Variants in FUBP3 observed in about 807,000 individuals in gnomAD.
FUBP3 encodes far upstream element binding protein 3.
Under a neutral mutation model 85.6 loss-of-function variants are expected in FUBP3, and 28 were observed. The ratio of observed to expected loss-of-function variants is 0.33; its 90% CI spans 0.24 to 0.45. The LOEUF is 0.45. Among genes scored for constraint, FUBP3 ranks in the 20% least tolerant of loss-of-function variants. FUBP3 has a pLI of 1.00. For missense variants in FUBP3, 583 were observed against 755.1 expected (o/e 0.77, Z 2.67); for synonymous variants, 271 against 271.4 (o/e 1.00, Z 0.01).
intron 1 of FUBP3, among the ~76,000 whole-genome samples, chr9:130,583,194 A>T (rs1830206178): frequency 6.6e-6 from 1 of 152,150 alleles, no homozygotes; most frequent in South Asian, 2.1e-4. Context: ...TTTTGGGGAA[A>T]TGTTGATTGG....
chr9:130,606,745 A>G (rs867915915), intron 2 of FUBP3, among the ~76,000 whole-genome samples: 7 of 151,966 alleles, frequency 4.6e-5, no homozygotes, highest in African/African-American at 9.7e-5. Context: ...GCTTGAACCC[A>G]GGAGGCAGAG....
At chr9:130,620,936 C>G (rs1030077196) in intron 9 of FUBP3, among the ~76,000 whole-genome samples, 5 of 152,134 alleles carry the variant, frequency 3.3e-5, no homozygotes, top group African/African-American at 9.7e-5. Flanking sequence ...TCTGAGGCAC[C>G]TAGAAGAGGC....
intron 1 of FUBP3, among the ~76,000 whole-genome samples, chr9:130,589,528 G>A (rs1390699890): frequency 3.3e-5 from 5 of 150,658 alleles, no homozygotes; most frequent in Admixed American, 6.6e-5. Flanking sequence ...ATTTTTAGTA[G>A]AGACGGGGTT....
chr9:130,626,281 CA>C, intron 11 of FUBP3, 82 bp from the exon 12 acceptor site: 1 of 1,431,334 alleles, frequency 7.0e-7, no homozygotes, highest in Non-Finnish European at 9.5e-7. Context: ...TACATCCTGT[CA>C]CTTAACCTCC....
At chr9:130,595,946 C>T (rs1830847870) in intron 2 of FUBP3, among the ~76,000 whole-genome samples, 2 of 152,214 alleles carry the variant, frequency 1.3e-5, no homozygotes, top group Admixed American at 1.3e-4. Context: ...CGATTTGGTG[C>T]ATGGCTCTAG....
At chr9:130,619,302 CAT>C (rs1832175190) in intron 8 of FUBP3, among the ~76,000 whole-genome samples, 6 of 134,808 alleles carry the variant, frequency 4.5e-5, no homozygotes, top group African/African-American at 9.3e-5. Flanking sequence ...CTGTATATTT[CAT>C]TTTTTTTTTT....
At position 130,612,678 on chromosome 9, in the gene FUBP3, C is replaced by T. The variant is rs1257142354; in HGVS notation, c.274+173C>T. 6.6e-6 allele frequency among the ~76,000 whole-genome samples: 1 copy of T among 152,162 alleles called. No individual in the cohort carries two copies. The highest frequency in any genetic ancestry group is 2.4e-5 in the African/African-American group (1 of 41,432). ...CCCACAGCTCTGAAATGCTGCAGGTCTCTTCAGGCTGAGGGAGAAACCAGA... is the reference window on the plus strand; with the variant it reads ...CCCACAGCTCTGAAATGCTGCAGGTTTCTTCAGGCTGAGGGAGAAACCAGA... On this transcript the variant is annotated intron_variant, in intron 4 of 18. Coordinates refer to ENST00000319725, the MANE Select transcript of FUBP3 (RefSeq NM_003934.2). This position sits in a 1 kb window ranked among gnomAD's most constrained non-coding sequence, Gnocchi z 4.1.
chr9:130,617,051 C>T (rs764856319), intron 7 of FUBP3, among the ~76,000 whole-genome samples: 1 of 152,166 alleles, frequency 6.6e-6, no homozygotes, highest in Non-Finnish European at 1.5e-5. Flanking sequence ...GCTGTTAGTG[C>T]CAGAATCCCT....
chr9:130,601,317 GGACA>G (rs1831140666), intron 2 of FUBP3, among the ~76,000 whole-genome samples: 1 of 152,178 alleles, frequency 6.6e-6, no homozygotes, highest in Admixed American at 6.5e-5. Flanking sequence ...CAGAGCTGAT[GGACA>G]GACAGAGAAG....
chr9:130,579,661 CGACGGCGGCGGGGGCGGT>C lies in FUBP3; in HGVS notation c.-19_-2del, dbSNP rs1188186786. The C allele has an allele frequency of 8.3e-7, 1 of 1,203,610 alleles. No homozygotes were observed. Among genetic ancestry groups the C allele is most frequent in the African/African-American group, 1.6e-5 (1 of 63,930 alleles). 74.6% of individuals were successfully genotyped at this position (1,203,610 alleles called of 1,614,324 possible). ...GCGTCGGCGGCGTCGGCGGCGGCGG[CGACGGCGGCGGGGGCGGT>C]AATGGCGGAGCTGGTGCAGGGGCAG... On this transcript the variant is annotated 5_prime_UTR_variant, in exon 1 of 19. Coordinates refer to ENST00000319725, the MANE Select transcript of FUBP3 (RefSeq NM_003934.2).
intron 2 of FUBP3, among the ~76,000 whole-genome samples, chr9:130,608,037 A>G (rs1831548018): frequency 1.3e-5 from 2 of 152,362 alleles, no homozygotes; most frequent in South Asian, 2.1e-4. Flanking sequence ...GATGAGCACA[A>G]AATTTCAAAT....
At chr9:130,587,973 A>G (rs1830425920) in intron 1 of FUBP3, among the ~76,000 whole-genome samples, 1 of 152,232 alleles carries the variant, frequency 6.6e-6, no homozygotes, top group Non-Finnish European at 1.5e-5. Flanking sequence ...GAAGAGCTGC[A>G]TCTTATTCAA....
intron 16 of FUBP3, among the ~76,000 whole-genome samples, 185 bp downstream of exon 16, chr9:130,632,463 C>T (rs575957300): frequency 4.2e-4 from 64 of 152,334 alleles, no homozygotes; most frequent in African/African-American, 1.5e-3. Flanking sequence ...TGTGCATGCT[C>T]AGAAAAAGGC....
intron 2 of FUBP3, among the ~76,000 whole-genome samples, chr9:130,598,041 CAAGT>C (rs1326562824): frequency 6.6e-6 from 1 of 152,140 alleles, no homozygotes; most frequent in Non-Finnish European, 1.5e-5. Flanking sequence ...GTTATCAAAA[CAAGT>C]AAGTGAAAAT....
intron 5 of FUBP3, among the ~76,000 whole-genome samples, chr9:130,613,882 G>A (rs935107936): frequency 5.9e-5 from 9 of 152,214 alleles, no homozygotes; most frequent in Non-Finnish European, 1.2e-4. Context: ...CCTGATGTGC[G>A]TGTCATGAAG....
chr9:130,613,145 C>T (rs1831835220), intron 5 of FUBP3, 118 bp downstream of exon 5: 2 of 663,144 alleles, frequency 3.0e-6, no homozygotes, highest in Non-Finnish European at 5.3e-6. Flanking sequence ...GTTTTCCTTG[C>T]ACTTTGGGAG....
At chr9:130,622,842 TAAAAA>T in intron 10 of FUBP3, 32 bp downstream of exon 10, 4 of 826,506 alleles carry the variant, frequency 4.8e-6, no homozygotes, top group East Asian at 2.8e-5. Context: ...TCCTTAGTGT[TAAAAA>T]AAAAAAAAAA....
Position 130,623,651 on chromosome 9 carries a change from C to T in FUBP3, c.915C>T (p.Gly305=). The T allele has an allele frequency of 1.2e-6, 2 of 1,613,874 alleles. No individual in the cohort carries two copies. Among genetic ancestry groups the T allele is most frequent in the African/African-American group, 1.3e-5 (1 of 75,014 alleles). Residue 305 remains glycine (G), a synonymous_variant, in exon 11 of 19, where the codon GGC becomes GGT. Coordinates refer to ENST00000319725, the MANE Select transcript of FUBP3 (RefSeq NM_003934.2). ...CAGAAAGAGCTGCCCAGGTCATGGG[C>T]CCTCCGGATCGGTGTCAGCATGCAG... The part of the protein sequence containing the change: ...ISPERAAQVM[G]PPDRCQHAAH...
Position 130,620,447 on chromosome 9 carries a change from G to A in FUBP3, c.760G>A (p.Gly254Ser), listed in dbSNP as rs894138399. The A allele has an allele frequency of 1.3e-5, 20 of 1,575,916 alleles. No homozygotes were observed. The highest frequency in any genetic ancestry group is 9.5e-5 in the African/African-American group (7 of 74,006). The change falls in exon 9 of 19, where the codon GGC becomes AGC. Residue 254 changes from glycine (G) to serine (S), a missense_variant. Gly to Ser is a moderately conservative substitution (Grantham distance 56, BLOSUM62 0). This residue lies in a region of FUBP3 where 404 missense variants were observed against 516.8 expected (regional missense o/e 0.78). Transcript: ENST00000319725. Reference protein sequence around the residue: ...RGDFNSRMGGGSIEVSVPRFA... With the variant: ...RGDFNSRMGGSSIEVSVPRFA... The stretch of plus-strand genomic sequence containing the variant: ...CGATTTCAACTCTCGAATGGGAGGA[G>A]GCAGTATAGAGGTATGCTTAAATTA...
Sources: gnomAD v4.1 joint callset for allele counts (sites outside exome capture counted in the v4.1 genomes callset) on GRCh38, gnomAD v4.1.1 for gene constraint, gnomAD v4.1.1 regional missense constraint, Gnocchi (gnomAD v3.1) non-coding constraint, MANE v1.5 for transcripts, NCBI Gene and HGNC (gene_info 2026-07-23, HGNC 2026-07-21) for gene names.